The following KRIT1 variants were observed in gnomAD, a reference collection of about 807,000 sequenced individuals.
KRIT1 encodes the protein KRIT1 ankyrin repeat containing, also known as krev interaction trapped protein 1.
In KRIT1, 45 loss-of-function variants were observed where a neutral mutation model predicts 95.8. That is an observed-to-expected ratio of 0.47 (90% CI 0.37 to 0.60). The LOEUF (loss-of-function observed/expected upper bound fraction) is 0.60, where lower values mean the gene tolerates loss of function less well. Ranked by LOEUF, KRIT1 falls within the 20% of genes least tolerant of loss-of-function variation. The pLI is 0.00. For missense variants in KRIT1, 788 were observed against 877.5 expected (o/e 0.90, Z 1.29); for synonymous variants, 282 against 278.8 (o/e 1.01, Z -0.11).
chr7:92,226,509 C>T lies in KRIT1; in HGVS notation c.1146+17G>A, dbSNP rs1159504024. The stretch of plus-strand genomic sequence containing the variant: ...ACTGCTTGAATATTATTTTTAAAAA[C>T]CTGGAAAATAACTTACTCTATCCGT... On this transcript the variant is annotated intron_variant, in intron 11 of 18. Coordinates refer to ENST00000394505, the MANE Select transcript of KRIT1 (RefSeq NM_194454.3). The T allele has an allele frequency of 1.3e-6, 2 of 1,588,696 alleles. No individual in the cohort carries two copies. Among genetic ancestry groups the T allele is most frequent in the Admixed American group, 1.7e-5 (1 of 59,928 alleles).
At chr7:92,235,983 T>G (rs988941746) in intron 7 of KRIT1, 1 of 259,232 alleles carries the variant, frequency 3.9e-6, no homozygotes, top group African/African-American at 2.3e-5. Flanking sequence ...TTTAAATGTA[T>G]GTGCCATTAT....
At chr7:92,224,919 G>T (rs1014777808) in intron 12 of KRIT1, among the ~76,000 whole-genome samples, 7 of 151,756 alleles carry the variant, frequency 4.6e-5, no homozygotes, top group Non-Finnish European at 8.8e-5. Flanking sequence ...CAGCACTTTG[G>T]GAGGCTGAGG....
At chr7:92,242,487 A>T (rs887517427) in intron 3 of KRIT1, among the ~76,000 whole-genome samples, 5 of 152,266 alleles carry the variant, frequency 3.3e-5, no homozygotes. Context: ...GATGATGATT[A>T]TAAAATAACT....
At chr7:92,225,276 A>G (rs1194342405) in intron 12 of KRIT1, among the ~76,000 whole-genome samples, 3 of 152,300 alleles carry the variant, frequency 2.0e-5, no homozygotes, top group East Asian at 3.9e-4. Flanking sequence ...ATAAATGTCC[A>G]AATGTTAGGG....
chr7:92,221,155 G>T (rs1261914781), intron 14 of KRIT1, among the ~76,000 whole-genome samples: 1 of 151,970 alleles, frequency 6.6e-6, no homozygotes, highest in Non-Finnish European at 1.5e-5. Flanking sequence ...AGCTACTTAG[G>T]CTAGGCACAG....
chr7:92,204,460 T>A (rs1374935019), intron 17 of KRIT1, among the ~76,000 whole-genome samples: 1 of 151,920 alleles, frequency 6.6e-6, no homozygotes, highest in Non-Finnish European at 1.5e-5. Flanking sequence ...TTATTTCTAT[T>A]ACTATTATAT....
intron 17 of KRIT1, 36 bp downstream of exon 17, chr7:92,213,159 T>C (rs1482035377): frequency 2.9e-6 from 4 of 1,400,414 alleles, no homozygotes; most frequent in East Asian, 2.3e-5. Flanking sequence ...TTAACTATTA[T>C]ATGACATGAT....
At chr7:92,218,745 T>C (rs1056470491) in intron 14 of KRIT1, among the ~76,000 whole-genome samples, 5 of 152,164 alleles carry the variant, frequency 3.3e-5, no homozygotes, top group African/African-American at 1.2e-4. Context: ...TTCTGGATAG[T>C]AAACCCTTAT....
rs560186410 is a variant in KRIT1 at position 92,223,590 on chromosome 7, C to T, written c.1255-612G>A. Among the ~76,000 whole-genome samples, 14 of 152,074 alleles carry T rather than the reference C, an allele frequency of 9.2e-5. No homozygotes were observed. In the East Asian group the frequency reaches 1.7e-3, roughly 19 times the overall value. On this transcript the variant is annotated intron_variant, in intron 12 of 18. Coordinates refer to ENST00000394505, the MANE Select transcript of KRIT1 (RefSeq NM_194454.3). ...AAATTCTTTTGACAGGATGTTTTAG[C>T]GCCTTTAATGTAATGTAAATATCAT...
At chr7:92,235,672 A>C (rs768715467) in intron 7 of KRIT1, 26 bp from the exon 8 acceptor site, 1 of 1,612,200 alleles carries the variant, frequency 6.2e-7, no homozygotes, top group South Asian at 1.1e-5. Context: ...AACAGGTAGA[A>C]GTAGCCATTC....
chr7:92,233,159 TATACAC>T (rs1788954640), intron 10 of KRIT1, among the ~76,000 whole-genome samples: 3 of 56,986 alleles, frequency 5.3e-5, no homozygotes, highest in African/African-American at 2.4e-4. Context: ...AAGATCTTTT[TATACAC>T]ACACACACAC....
chr7:92,229,433 A>C (rs1404041375), intron 10 of KRIT1, among the ~76,000 whole-genome samples: 1 of 152,174 alleles, frequency 6.6e-6, no homozygotes, highest in African/African-American at 2.4e-5. Flanking sequence ...CCTATAAGAA[A>C]CTTAACAAAT....
At chr7:92,207,773 C>T (rs958542721) in intron 17 of KRIT1, among the ~76,000 whole-genome samples, 1 of 152,146 alleles carries the variant, frequency 6.6e-6, no homozygotes, top group Non-Finnish European at 1.5e-5. Flanking sequence ...AGGATAATCG[C>T]TTGAACCCAG....
At chr7:92,229,585 C>T (rs1796874932) in intron 10 of KRIT1, among the ~76,000 whole-genome samples, 1 of 152,202 alleles carries the variant, frequency 6.6e-6, no homozygotes, top group Non-Finnish European at 1.5e-5. Context: ...ATCAAAGCCA[C>T]AATATTCTTT....
intron 17 of KRIT1, 79 bp downstream of exon 17, chr7:92,213,116 T>A: frequency 1.0e-6 from 1 of 962,486 alleles, no homozygotes; most frequent in Non-Finnish European, 1.7e-6. Flanking sequence ...ATATGCCATT[T>A]CTAAATTCTT....
At chr7:92,213,542 G>C in intron 16 of KRIT1, 141 bp from the exon 17 acceptor site, 1 of 633,624 alleles carries the variant, frequency 1.6e-6, no homozygotes, top group Non-Finnish European at 2.7e-6. Context: ...TGTATCAGGA[G>C]TACTTTTTCT....
At chr7:92,227,983 A>C (rs1035046633) in intron 10 of KRIT1, among the ~76,000 whole-genome samples, 17 of 151,960 alleles carry the variant, frequency 1.1e-4, no homozygotes, top group Admixed American at 7.2e-4. Context: ...ATTGCACTCG[A>C]GGCTGGGTGA....
intron 14 of KRIT1, among the ~76,000 whole-genome samples, chr7:92,221,515 C>G (rs1179118323): frequency 6.6e-6 from 1 of 152,178 alleles, no homozygotes; most frequent in Non-Finnish European, 1.5e-5. Flanking sequence ...CTTATCCACC[C>G]AGGATGTTCT....
intron 13 of KRIT1, 23 bp from the exon 14 acceptor site, chr7:92,222,076 T>C: frequency 6.3e-7 from 1 of 1,594,396 alleles, no homozygotes; most frequent in Non-Finnish European, 8.6e-7. Context: ...ATTCCTTTTA[T>C]AAATGATAAT....
Sources: allele counts gnomAD v4.1 joint callset (sites outside exome capture counted in the v4.1 genomes callset), GRCh38; gene constraint gnomAD v4.1.1; transcripts MANE v1.5; gene names NCBI Gene and HGNC (gene_info 2026-07-23, HGNC 2026-07-21).